Variants in CNTN4 observed in about 807,000 individuals in gnomAD.
CNTN4 encodes the protein contactin 4, also known as contactin-4.
A neutral mutation model predicts 122.5 loss-of-function variants in CNTN4; 77 were observed. The observed-to-expected ratio is 0.63, with a 90% CI of 0.52 to 0.76. The LOEUF is 0.76. CNTN4 is among the 30% of genes least tolerant of loss of function. CNTN4 has a pLI of 0.00. For synonymous variants in CNTN4, 512 were observed against 447.0 expected (o/e 1.15, Z -1.83); for missense variants, 1,256 against 1,259.1 (o/e 1.00, Z 0.04).
intron 2 of CNTN4, among the ~76,000 whole-genome samples, chr3:2,185,529 T>C (rs563195186): frequency 5.3e-5 from 8 of 152,082 alleles, no homozygotes; most frequent in Non-Finnish European, 7.4e-5. Flanking sequence ...CTATAAAACA[T>C]GGGAAGGTGC....
chr3:2,745,862 CTG>C (rs1307027346), intron 6 of CNTN4, among the ~76,000 whole-genome samples, 165 bp downstream of exon 6: 4 of 152,132 alleles, frequency 2.6e-5, no homozygotes, highest in Non-Finnish European at 4.4e-5. Flanking sequence ...GTAGGATAAA[CTG>C]TAAATCTAAG....
At chr3:2,993,070 C>G (rs1053901258) in intron 14 of CNTN4, among the ~76,000 whole-genome samples, 3 of 152,236 alleles carry the variant, frequency 2.0e-5, no homozygotes, top group African/African-American at 7.2e-5. Context: ...AAATCCATAC[C>G]TGTTTTATAT....
intron 2 of CNTN4, among the ~76,000 whole-genome samples, chr3:2,230,476 T>A (rs1432319130): frequency 6.6e-6 from 1 of 152,076 alleles, no homozygotes; most frequent in Non-Finnish European, 1.5e-5. Context: ...TTGCCTCAAT[T>A]TGAGAGGGGA....
intron 2 of CNTN4, among the ~76,000 whole-genome samples, chr3:2,109,504 T>G (rs377284323): frequency 6.6e-6 from 1 of 152,194 alleles, no homozygotes; most frequent in Non-Finnish European, 1.5e-5. Flanking sequence ...TGTATTAATA[T>G]AAATCTTGAG....
At chr3:2,835,628 G>A (rs1016334903) in intron 7 of CNTN4, among the ~76,000 whole-genome samples, 11 of 151,824 alleles carry the variant, frequency 7.2e-5, no homozygotes, top group East Asian at 3.9e-4. Context: ...TTTAAAAACC[G>A]TCCCATGCAA....
At chr3:2,732,557 A>C (rs1388193185) in intron 4 of CNTN4, among the ~76,000 whole-genome samples, 2 of 151,958 alleles carry the variant, frequency 1.3e-5, no homozygotes, top group Non-Finnish European at 2.9e-5. Context: ...CGGTAAATGC[A>C]GTCTTTTGTA....
intron 13 of CNTN4, among the ~76,000 whole-genome samples, chr3:2,951,499 C>T (rs977326157): frequency 3.3e-5 from 5 of 152,156 alleles, no homozygotes; most frequent in Non-Finnish European, 5.9e-5. Context: ...GGCCATGGAC[C>T]AGTACCAGTC....
chr3:2,968,918 C>A (rs77988352), intron 13 of CNTN4, among the ~76,000 whole-genome samples: 1 of 152,182 alleles, frequency 6.6e-6, no homozygotes, highest in South Asian at 2.1e-4. Flanking sequence ...CTTCAGGTTG[C>A]AAATGACTGA....
chr3:2,985,019 A>G (rs1281193830), intron 13 of CNTN4, among the ~76,000 whole-genome samples: 1 of 152,260 alleles, frequency 6.6e-6, no homozygotes, highest in Non-Finnish European at 1.5e-5. Flanking sequence ...ATGAGGTATC[A>G]GATGGTCTTT....
chr3:2,198,426 A>T (rs1431151278), intron 2 of CNTN4, among the ~76,000 whole-genome samples: 1 of 152,144 alleles, frequency 6.6e-6, no homozygotes, highest in Non-Finnish European at 1.5e-5. Flanking sequence ...AAGTATTTGT[A>T]TCATGATGAT....
chr3:2,409,249 C>CTT (rs372224744), intron 3 of CNTN4, among the ~76,000 whole-genome samples: 146 of 132,610 alleles, frequency 1.1e-3, no homozygotes, highest in Middle Eastern at 4.2e-3. Flanking sequence ...CTTTTCTTTT[C>CTT]TTTTTTTTTT....
At chr3:2,295,377 G>T (rs534712158) in intron 2 of CNTN4, among the ~76,000 whole-genome samples, 3 of 134,548 alleles carry the variant, frequency 2.2e-5, no homozygotes, top group Non-Finnish European at 4.7e-5. Context: ...ATTGTAACTG[G>T]TGTGAGATGG....
rs548648646 is a variant in CNTN4, at chr3:2,271,664, G to A, written c.-144-67514G>A. On this transcript the variant is annotated intron_variant, in intron 2 of 24. Transcript: ENST00000418658. ...AGACTTTTCTTCCTAGATTACCTTG[G>A]TTATATCAGTGCTTCTGGGTGTGGT... Among the ~76,000 whole-genome samples, 8 of 152,054 alleles carry A rather than the reference G, an allele frequency of 5.3e-5. No homozygotes were observed. In the South Asian group the frequency reaches 1.7e-3, roughly 32 times the overall value.
intron 2 of CNTN4, among the ~76,000 whole-genome samples, chr3:2,233,499 C>T (rs531698144): frequency 6.6e-6 from 1 of 152,122 alleles, no homozygotes; most frequent in Non-Finnish European, 1.5e-5. Context: ...TAGGCCAATA[C>T]TATTCAGCAT....
chr3:2,916,804 G>A (rs1246094161), intron 12 of CNTN4, among the ~76,000 whole-genome samples: 1 of 150,446 alleles, frequency 6.6e-6, no homozygotes, highest in Non-Finnish European at 1.5e-5. Flanking sequence ...CCACCTCCCA[G>A]ACGGGGCCGC....
chr3:2,888,312 A>G (rs1040126099), intron 10 of CNTN4, among the ~76,000 whole-genome samples: 1 of 152,168 alleles, frequency 6.6e-6, no homozygotes, highest in Admixed American at 6.5e-5. Context: ...TCCCTTGCTA[A>G]CCGCAATGAG....
intron 3 of CNTN4, among the ~76,000 whole-genome samples, chr3:2,529,538 A>G (rs982162517): frequency 6.6e-6 from 1 of 152,174 alleles, no homozygotes; most frequent in East Asian, 1.9e-4. Flanking sequence ...TATAATATGT[A>G]TTATGATTTG....
At position 2,380,075 on chromosome 3, in the gene CNTN4, A is replaced by AAG. The variant is rs1553636313; in HGVS notation, c.-89+40842_-89+40843insAG. Among the ~76,000 whole-genome samples the AAG allele has an allele frequency of 1.0e-3, 153 of 151,208 alleles. 1 individual carries two copies. The highest frequency in any genetic ancestry group is 3.4e-3 in the African/African-American group (141 of 41,238). ...TCCATCTCAAAAAAAAAAAAAAAAA[A>AAG]TCATAGGGTTTTGGTGATAATTTAA... On this transcript the variant is annotated intron_variant, in intron 3 of 24. Transcript: ENST00000418658.
At position 2,677,149 on chromosome 3, in the gene CNTN4, A is replaced by ATAGG. The variant is rs1260483425; in HGVS notation, c.56-59063_56-59062insGTAG. Among the ~76,000 whole-genome samples the ATAGG allele has an allele frequency of 2.0e-5, 3 of 150,672 alleles. No individual in the cohort carries two copies. The East Asian group carries it at 5.8e-4, about 29-fold the overall frequency. ...CTCTTTTAGATAGATAGATAGATAG[A>ATAGG]TAGATAGATAGATAGATAGATAGAT... On this transcript the variant is annotated intron_variant, in intron 4 of 24. Coordinates refer to ENST00000418658, the MANE Select transcript of CNTN4 (RefSeq NM_175607.3).
Sources: allele counts gnomAD v4.1 joint callset (sites outside exome capture counted in the v4.1 genomes callset), GRCh38; gene constraint gnomAD v4.1.1; transcripts MANE v1.5; gene names NCBI Gene and HGNC (gene_info 2026-07-23, HGNC 2026-07-21).